PRICKLE4: variants seen among roughly 807,000 people sequenced by gnomAD.
PRICKLE4 encodes prickle planar cell polarity protein 4, also known as prickle-like protein 4.
Under a neutral mutation model 43.5 loss-of-function variants are expected in PRICKLE4, and 40 were observed. The observed-to-expected ratio is 0.92, with a 90% CI of 0.71 to 1.20. PRICKLE4 has a LOEUF of 1.20. Among genes scored for constraint, PRICKLE4 ranks in the 50% most tolerant of loss-of-function variants. The pLI is 0.00. For missense variants in PRICKLE4, 527 were observed against 491.2 expected (o/e 1.07, Z -0.69); for synonymous variants, 208 against 197.4 (o/e 1.05, Z -0.45).
At chr6:41,782,255 A>G (rs904241018) in intron 2 of PRICKLE4, among the ~76,000 whole-genome samples, 1 of 151,708 alleles carries the variant, frequency 6.6e-6, no homozygotes, top group Non-Finnish European at 1.5e-5. Context: ...TATTTGTAGT[A>G]GAGATGGGGT....
Position 41,785,032 on chromosome 6 carries a change from G to T in PRICKLE4, c.338G>T (p.Arg113Leu). ...KQEALGQGVA[R>L]LVLPKLEGHT... is the part of the protein sequence containing the mutation. Reference sequence around the variant, plus strand: ...GAAGCCCTGGGACAGGGGGTAGCCCGCCTGGTACTTCCCAAGCTTGAAGGA... The same window carrying T: ...GAAGCCCTGGGACAGGGGGTAGCCCTCCTGGTACTTCCCAAGCTTGAAGGA... Residue 113 changes from arginine to leucine, a missense_variant, in exon 5 of 8, where the codon CGC (arginine) becomes CTC (leucine). Transcript: ENST00000458694. 6.2e-7 allele frequency: 1 copy of T among 1,613,262 alleles called. No homozygotes were observed. Among genetic ancestry groups the T allele is most frequent in the Non-Finnish European group, 8.5e-7 (1 of 1,179,700 alleles).
At position 41,785,082 on chromosome 6, in the gene PRICKLE4, A is replaced by G. The variant is rs1330928608; in HGVS notation, c.378+10A>G. Reference sequence around the variant, plus strand: ...ACACACCTGTGAGAAGGTATGTAGCACCCCTCCCCCCAAATTCCCCTTCCT... The same window carrying G: ...ACACACCTGTGAGAAGGTATGTAGCGCCCCTCCCCCCAAATTCCCCTTCCT... On this transcript the variant is annotated intron_variant, in intron 5 of 7. Coordinates refer to ENST00000458694, the MANE Select transcript of PRICKLE4 (RefSeq NM_013397.6). 2 of 1,612,532 alleles carry G rather than the reference A, an allele frequency of 1.2e-6. No individual in the cohort carries two copies. Among genetic ancestry groups the G allele is most frequent in the Non-Finnish European group, 1.7e-6 (2 of 1,179,560 alleles).
intron 5 of PRICKLE4, 50 bp downstream of exon 5, chr6:41,785,122 C>T: frequency 6.2e-7 from 1 of 1,602,422 alleles, no homozygotes; most frequent in Non-Finnish European, 8.5e-7. Flanking sequence ...TCTTTGCCCT[C>T]TCATTTCTGC....
chr6:41,780,859 C>T (rs1772536748), intron 1 of PRICKLE4, 33 bp downstream of exon 1: 1 of 160,750 alleles, frequency 6.2e-6, no homozygotes, highest in African/African-American at 2.4e-5. Flanking sequence ...GTCCCCTCCC[C>T]TAAAATCCCA....
chr6:41,785,954 T>C (rs998120225), intron 6 of PRICKLE4, among the ~76,000 whole-genome samples, 174 bp from the exon 7 acceptor site: 1 of 152,214 alleles, frequency 6.6e-6, no homozygotes, highest in African/African-American at 2.4e-5. Flanking sequence ...ACTTGCTAGC[T>C]GGGATCCTGG....
chr6:41,785,301 C>G, intron 5 of PRICKLE4, 36 bp from the exon 6 acceptor site: 1 of 1,602,880 alleles, frequency 6.2e-7, no homozygotes, highest in South Asian at 1.1e-5. Flanking sequence ...GATGGTAGTG[C>G]TTACTCCGAC....
In PRICKLE4 at chr6:41,786,260, A is replaced by G. The variant is rs2127307465; in HGVS notation, c.715A>G (p.Ser239Gly). 1.2e-6 allele frequency: 2 copies of G among 1,600,402 alleles called. No individual in the cohort carries two copies. Among genetic ancestry groups the G allele is most frequent in the East Asian group, 4.5e-5 (2 of 44,434 alleles). The change falls in exon 7 of 8, where the codon AGC (serine) becomes GGC (glycine). Residue 239 changes from serine (S) to glycine (G), a missense_variant. Transcript: ENST00000458694. ...ALPGGSPCCP[S>G]CFENRYSDAG... is the part of the protein sequence containing the mutation. ...GCCTGGGGGAAGCCCCTGCTGCCCC[A>G]GCTGCTTCGAGAACCGCTACTCGGA...
chr6:41,786,924 C>T lies in PRICKLE4; in HGVS notation c.950C>T (p.Ala317Val). The T allele has an allele frequency of 6.2e-7, 1 of 1,613,610 alleles. No homozygotes were observed. The highest frequency in any genetic ancestry group is 8.5e-7 in the Non-Finnish European group (1 of 1,179,712). The change falls in exon 8 of 8, where the codon GCG becomes GTG. Residue 317 changes from alanine to valine, a missense_variant. Transcript: ENST00000458694. ...PQQENRPGDK[A>V]EAPKGQEQCR... ...CAGGAGAACCGACCTGGGGACAAAGCGGAGGCACCCAAAGGGCAGGAGCAA... is the reference window on the plus strand; with the variant it reads ...CAGGAGAACCGACCTGGGGACAAAGTGGAGGCACCCAAAGGGCAGGAGCAA...
At chr6:41,786,545 G>A (rs1390372404) in intron 7 of PRICKLE4, 14 of 1,014,862 alleles carry the variant, frequency 1.4e-5, no homozygotes, top group East Asian at 8.7e-5. Context: ...ACCCCGCGCC[G>A]CGGTCGGGGT....
At chr6:41,784,539 A>G (rs1176519810) in intron 4 of PRICKLE4, among the ~76,000 whole-genome samples, 1 of 152,232 alleles carries the variant, frequency 6.6e-6, no homozygotes, top group Non-Finnish European at 1.5e-5. Context: ...GTTGTTACGT[A>G]TTTATTGAGG....
Position 41,786,758 on chromosome 6 carries a change from A to G in PRICKLE4, c.788-4A>G. The G allele has an allele frequency of 6.2e-7, 1 of 1,613,016 alleles. No individual in the cohort carries two copies. The highest frequency in any genetic ancestry group is 8.5e-7 in the Non-Finnish European group (1 of 1,179,896). ...ACCAGCGTTTCCGACCCGGCCCGGAACAGGGGAGACTGGACTCGACCGAAC... is the reference window on the plus strand; with the variant it reads ...ACCAGCGTTTCCGACCCGGCCCGGAGCAGGGGAGACTGGACTCGACCGAAC... On this transcript the variant is annotated splice_polypyrimidine_tract_variant and splice_region_variant and intron_variant, in intron 7 of 7. Transcript: ENST00000458694.
chr6:41,786,433 C>A, intron 7 of PRICKLE4, 101 bp downstream of exon 7: 1 of 1,325,132 alleles, frequency 7.5e-7, no homozygotes, highest in Non-Finnish European at 1.0e-6. Flanking sequence ...CCGTCCCGTC[C>A]CTCCAGGAGC....
chr6:41,786,661 GGGCTGGGCGGGGCGGGA>G (rs1772659515), intron 7 of PRICKLE4, 84 bp from the exon 8 acceptor site: 2 of 1,571,976 alleles, frequency 1.3e-6, no homozygotes, highest in Admixed American at 3.5e-5. Context: ...CACGGCCCAG[GGGCTGGGCGGGGCGGGA>G]GGCTGGGCCT....
intron 2 of PRICKLE4, among the ~76,000 whole-genome samples, chr6:41,783,111 GGA>G (rs1772580429): frequency 6.6e-6 from 1 of 152,204 alleles, no homozygotes; most frequent in South Asian, 2.1e-4. Flanking sequence ...GATGAGGTAA[GGA>G]GAGAGTGTCC....
intron 6 of PRICKLE4, 36 bp from the exon 7 acceptor site, chr6:41,786,092 G>A (rs1201796131): frequency 6.3e-7 from 1 of 1,579,562 alleles, no homozygotes; most frequent in Non-Finnish European, 8.7e-7. Flanking sequence ...GGGAATGAAT[G>A]AATGAAACGT....
chr6:41,783,314 T>C (rs928925314), intron 2 of PRICKLE4, 148 bp from the exon 3 acceptor site: 24 of 785,400 alleles, frequency 3.1e-5, no homozygotes, highest in Middle Eastern at 4.0e-4. Context: ...TGATCCTCAG[T>C]TGGGCCATCT....
chr6:41,786,083 G>A, intron 6 of PRICKLE4, 45 bp from the exon 7 acceptor site: 1 of 1,561,502 alleles, frequency 6.4e-7, no homozygotes, highest in African/African-American at 1.4e-5. Flanking sequence ...AATGAATGAG[G>A]GAATGAATGA....
At position 41,786,087 on chromosome 6, in the gene PRICKLE4, T is replaced by C. The variant is rs184685469; in HGVS notation, c.583-41T>C. 1.9e-5 allele frequency: 29 copies of C among 1,560,844 alleles called. No homozygotes were observed. The Admixed American group carries it at 2.3e-4, about 13-fold the overall frequency. On this transcript the variant is annotated intron_variant, in intron 6 of 7. Coordinates refer to ENST00000458694, the MANE Select transcript of PRICKLE4 (RefSeq NM_013397.6). Reference sequence around the variant, plus strand: ...GTTACTGGATGAATGAATGAGGGAATGAATGAATGAAACGTTCCCCTCTCC... The same window carrying C: ...GTTACTGGATGAATGAATGAGGGAACGAATGAATGAAACGTTCCCCTCTCC...
chr6:41,783,702 C>A, intron 3 of PRICKLE4, 97 bp downstream of exon 3: 1 of 1,543,546 alleles, frequency 6.5e-7, no homozygotes, highest in Non-Finnish European at 8.9e-7. Context: ...TGACTTCGTG[C>A]CTAATCTCTT....
Sources: gnomAD v4.1 joint callset for allele counts (sites outside exome capture counted in the v4.1 genomes callset) on GRCh38, gnomAD v4.1.1 for gene constraint, MANE v1.5 for transcripts, NCBI Gene and HGNC (gene_info 2026-07-23, HGNC 2026-07-21) for gene names.